Variants in CCSER1 observed in about 807,000 individuals in gnomAD.
CCSER1 encodes coiled-coil serine rich protein 1.
Under a neutral mutation model 82.0 loss-of-function variants are expected in CCSER1, and 41 were observed. The observed-to-expected ratio is 0.50, with a 90% CI of 0.39 to 0.65. The LOEUF is 0.65. CCSER1 is among the 30% of genes least tolerant of loss of function. The probability of loss-of-function intolerance (pLI) is 0.00; values close to 1 mark genes in which losing one functional copy is unlikely to be tolerated. For synonymous variants in CCSER1, 414 were observed against 383.9 expected (o/e 1.08, Z -0.92); for missense variants, 1,119 against 1,064.2 (o/e 1.05, Z -0.72).
At chr4:91,133,379 A>C (rs930307454) in intron 10 of CCSER1, among the ~76,000 whole-genome samples, 2 of 152,178 alleles carry the variant, frequency 1.3e-5, no homozygotes, top group Non-Finnish European at 1.5e-5. Context: ...CGGGTGAGGA[A>C]GCGGTTCATG....
intron 10 of CCSER1, among the ~76,000 whole-genome samples, chr4:91,374,031 G>GAAGT (rs1286326895): frequency 6.6e-6 from 1 of 152,146 alleles, no homozygotes; most frequent in Non-Finnish European, 1.5e-5. Flanking sequence ...GAGAGGTGAA[G>GAAGT]AAGTCACAGA....
chr4:90,312,814 A>G (rs1162368867), intron 2 of CCSER1, 49 bp from the exon 3 acceptor site: 1 of 1,367,394 alleles, frequency 7.3e-7, no homozygotes, highest in Non-Finnish European at 1.0e-6. Flanking sequence ...ATTTGTAAAA[A>G]CTACATTTAA....
At chr4:90,893,928 T>G (rs542614863) in intron 8 of CCSER1, among the ~76,000 whole-genome samples, 2 of 152,164 alleles carry the variant, frequency 1.3e-5, no homozygotes, top group South Asian at 4.1e-4. Context: ...TATTTTATTG[T>G]TTTACATACA....
chr4:90,764,718 A>T (rs1221333221), intron 7 of CCSER1, among the ~76,000 whole-genome samples: 2 of 152,124 alleles, frequency 1.3e-5, no homozygotes, highest in African/African-American at 4.8e-5. Flanking sequence ...CTAATGAAGA[A>T]AATTGTATTT....
At chr4:90,628,912 T>G (rs1189153005) in intron 6 of CCSER1, among the ~76,000 whole-genome samples, 1 of 152,192 alleles carries the variant, frequency 6.6e-6, no homozygotes, top group Non-Finnish European at 1.5e-5. Context: ...ATACCCGTGA[T>G]TATTATTACT....
intron 6 of CCSER1, among the ~76,000 whole-genome samples, chr4:90,706,540 G>A (rs908947069): frequency 1.3e-5 from 2 of 152,146 alleles, no homozygotes; most frequent in Non-Finnish European, 2.9e-5. Context: ...TTGCAAAATA[G>A]GAGAGAGGAT....
chr4:90,542,819 TA>T (rs1395972659), intron 5 of CCSER1, among the ~76,000 whole-genome samples: 1 of 152,100 alleles, frequency 6.6e-6, no homozygotes, highest in Non-Finnish European at 1.5e-5. Context: ...TTTGGGATAG[TA>T]TGTTTTTCTA....
intron 5 of CCSER1, among the ~76,000 whole-genome samples, chr4:90,613,853 A>T (rs1167411887): frequency 1.3e-5 from 2 of 152,206 alleles, no homozygotes; most frequent in East Asian, 3.8e-4. Context: ...ACCAGCTTCT[A>T]AGAAGTTGGC....
At chr4:91,470,415 T>C (rs1258944538) in intron 10 of CCSER1, among the ~76,000 whole-genome samples, 5 of 149,336 alleles carry the variant, frequency 3.3e-5, no homozygotes, top group South Asian at 4.3e-4. Flanking sequence ...ATTTTATTAA[T>C]AATATTTATA....
intron 8 of CCSER1, among the ~76,000 whole-genome samples, chr4:90,860,152 C>T (rs536973082): frequency 7.3e-5 from 11 of 151,420 alleles, no homozygotes; most frequent in Non-Finnish European, 1.6e-4. Context: ...TATAATTCAA[C>T]AATAAAAAGA....
At chr4:90,477,181 A>C (rs1450425935) in intron 5 of CCSER1, among the ~76,000 whole-genome samples, 1 of 152,334 alleles carries the variant, frequency 6.6e-6, no homozygotes, top group South Asian at 2.1e-4. Flanking sequence ...TCTTCTAGTA[A>C]TACTATAAAT....
At chr4:90,318,728 G>A (rs1307472888) in intron 3 of CCSER1, among the ~76,000 whole-genome samples, 1 of 152,046 alleles carries the variant, frequency 6.6e-6, no homozygotes, top group African/African-American at 2.4e-5. Context: ...TTCTTCTGGG[G>A]CCTGCTGTTT....
At chr4:91,049,357 C>T (rs1742803083) in intron 9 of CCSER1, among the ~76,000 whole-genome samples, 1 of 151,938 alleles carries the variant, frequency 6.6e-6, no homozygotes, top group African/African-American at 2.4e-5. Context: ...GAATTTTTGC[C>T]AATGATGAAG....
chr4:91,492,959 T>G (rs1261711641), intron 10 of CCSER1, among the ~76,000 whole-genome samples: 3 of 152,036 alleles, frequency 2.0e-5, no homozygotes, highest in Non-Finnish European at 2.9e-5. Flanking sequence ...TGAGTTCTCA[T>G]TTTACATAGT....
intron 6 of CCSER1, among the ~76,000 whole-genome samples, chr4:90,708,467 A>G (rs1739828946): frequency 6.6e-6 from 1 of 152,154 alleles, no homozygotes; most frequent in Non-Finnish European, 1.5e-5. Flanking sequence ...CTGGGAGTGT[A>G]ACACTAGTAG....
chr4:91,028,038 G>A (rs1475408955), intron 9 of CCSER1, among the ~76,000 whole-genome samples: 2 of 151,880 alleles, frequency 1.3e-5, no homozygotes, highest in African/African-American at 4.8e-5. Context: ...TATAAATTCA[G>A]CAACAACACA....
chr4:91,531,652 G>T (rs1437809437), intron 10 of CCSER1, among the ~76,000 whole-genome samples: 2 of 152,158 alleles, frequency 1.3e-5, no homozygotes, highest in African/African-American at 2.4e-5. Flanking sequence ...ATTGCTCACA[G>T]TTCTGGAGAC....
chr4:91,418,997 A>G (rs1284012610), intron 10 of CCSER1, among the ~76,000 whole-genome samples: 1 of 152,014 alleles, frequency 6.6e-6, no homozygotes, highest in Non-Finnish European at 1.5e-5. Flanking sequence ...TAAAAATCAT[A>G]TGATCATCTC....
At chr4:90,774,724 T>C (rs148728140) in intron 7 of CCSER1, among the ~76,000 whole-genome samples, 249 of 152,216 alleles carry the variant, frequency 1.6e-3, no homozygotes, top group African/African-American at 5.5e-3. Context: ...CTCTGATTAC[T>C]GCTGTAATGT....
Sources: allele counts gnomAD v4.1 joint callset (sites outside exome capture counted in the v4.1 genomes callset), GRCh38; gene constraint gnomAD v4.1.1; transcripts MANE v1.5; gene names NCBI Gene and HGNC (gene_info 2026-07-23, HGNC 2026-07-21).